The following RIPK4 variants were observed in gnomAD, a reference collection of about 807,000 sequenced individuals.
RIPK4 encodes the protein receptor-interacting serine/threonine-protein kinase 4.
Under a neutral mutation model 42.9 loss-of-function variants are expected in RIPK4, and 17 were observed. That is an observed-to-expected ratio of 0.40 (90% confidence interval 0.27 to 0.59). The LOEUF (loss-of-function observed/expected upper bound fraction) is 0.59. Ranked by LOEUF, RIPK4 falls within the 20% of genes least tolerant of loss-of-function variation. RIPK4 has a pLI of 0.47. For synonymous variants in RIPK4, 498 were observed against 499.1 expected (o/e 1.00, Z 0.03); for missense variants, 897 against 1,104.4 (o/e 0.81, Z 2.66).
At position 41,745,875 on chromosome 21, in the gene RIPK4, A is replaced by G; in HGVS notation, c.833-13T>C. On this transcript the variant is annotated splice_polypyrimidine_tract_variant and intron_variant, in intron 5 of 7. Transcript: ENST00000332512. ...TCAGAAGTAATTTCTTGTGGGGAAG[A>G]AAGGGGACATGTCACTCGGATGATG... 4 of 1,594,950 alleles carry G rather than the reference A, an allele frequency of 2.5e-6. No homozygotes were observed. The highest frequency in any genetic ancestry group is 3.4e-6 in the Non-Finnish European group (4 of 1,162,446).
intron 1 of RIPK4, among the ~76,000 whole-genome samples, chr21:41,757,364 A>C (rs548184744): frequency 2.3e-4 from 35 of 151,856 alleles, no homozygotes; most frequent in Admixed American, 7.9e-4. Context: ...TCTACTAAAA[A>C]TACAAAAATT....
At chr21:41,758,021 A>AAAT (rs1555910478) in intron 1 of RIPK4, among the ~76,000 whole-genome samples, 20 of 51,376 alleles carry the variant, frequency 3.9e-4, no homozygotes, top group East Asian at 9.9e-4. Context: ...AAAAAAAAAA[A>AAAT]ATATATATAT....
At chr21:41,762,645 G>A (rs12482739) in intron 1 of RIPK4, among the ~76,000 whole-genome samples, 15,334 of 152,306 alleles carry the variant, frequency 0.1, 1,000 homozygotes, top group Middle Eastern at 0.21. Flanking sequence ...TCGAAGCACA[G>A]AAAGAACCCA....
At chr21:41,750,674 C>G (rs1256297452) in intron 3 of RIPK4, among the ~76,000 whole-genome samples, 1 of 152,056 alleles carries the variant, frequency 6.6e-6, no homozygotes, top group African/African-American at 2.4e-5. Flanking sequence ...GTGGACTTAG[C>G]CCCCTTTCTG....
rs2146050142 is a variant in RIPK4 at position 41,747,975 on chromosome 21, T to A, written c.673+1179A>T. On this transcript the variant is annotated intron_variant, in intron 4 of 7. Coordinates refer to ENST00000332512, the MANE Select transcript of RIPK4 (RefSeq NM_020639.3). ...AGGGAACACTAGGCATATTCAGCAATAAAGCACAAGGGCTTGAGCCTTGAC... is the reference window on the plus strand; with the variant it reads ...AGGGAACACTAGGCATATTCAGCAAAAAAGCACAAGGGCTTGAGCCTTGAC... Among the ~76,000 whole-genome samples the A allele has an allele frequency of 1.3e-5, 2 of 152,328 alleles. 1 individual carries two copies. Among genetic ancestry groups the A allele is most frequent in the African/African-American group, 4.8e-5 (2 of 41,570 alleles).
In RIPK4 at chr21:41,740,590, C is replaced by T; in HGVS notation, c.*248G>A. The T allele has an allele frequency of 1.9e-6, 1 of 528,946 alleles. No individual in the cohort carries two copies. Among genetic ancestry groups the T allele is most frequent in the South Asian group, 2.8e-5 (1 of 35,832 alleles). 32.8% of individuals were successfully genotyped at this position (528,946 alleles called of 1,614,324 possible). A position where few individuals can be genotyped will look rare whatever the true frequency, so the allele number is the denominator to read the frequency against. On this transcript the variant is annotated 3_prime_UTR_variant, in exon 8 of 8. Coordinates refer to ENST00000332512, the MANE Select transcript of RIPK4 (RefSeq NM_020639.3). ...TAGGAGCACAACGAAATGATTCTGA[C>T]CCACGGTCCCTTCAGACAGCAGGTG...
intron 1 of RIPK4, among the ~76,000 whole-genome samples, chr21:41,759,801 A>G (rs3892324): frequency 0.1 from 15,378 of 152,258 alleles, 1,018 homozygotes; most frequent in Middle Eastern, 0.21. Flanking sequence ...TTCCCTTACC[A>G]TAGTGAAAAC....
intron 1 of RIPK4, among the ~76,000 whole-genome samples, chr21:41,760,809 A>G (rs554273677): frequency 1.3e-5 from 2 of 152,288 alleles, no homozygotes; most frequent in African/African-American, 4.8e-5. Context: ...TCAAGGAGCA[A>G]AGAATCCCAC....
chr21:41,757,201 A>G (rs2061206215), intron 1 of RIPK4, among the ~76,000 whole-genome samples: 1 of 152,106 alleles, frequency 6.6e-6, no homozygotes, highest in African/African-American at 2.4e-5. Context: ...GAGGGAAGAG[A>G]AGTTGACGTT....
Position 41,741,197 on chromosome 21 carries a change from T to C in RIPK4, c.1996A>G (p.Met666Val), listed in dbSNP as rs3746891. Reference sequence around the variant, plus strand: ...AGAGCGGTGTAGCCGTCTGAGGTCATGGCCTCCTTGCCAGCGCCCCGATGC... The same window carrying C: ...AGAGCGGTGTAGCCGTCTGAGGTCACGGCCTCCTTGCCAGCGCCCCGATGC... ...LLHRGAGKEA[M>V]TSDGYTALHL... is the part of the protein sequence containing the mutation. Residue 666 changes from methionine to valine, a missense_variant, in exon 8 of 8, where the codon ATG (methionine) becomes GTG (valine). By Grantham distance (21) the Met-to-Val change is conservative (BLOSUM62 1). Coordinates refer to ENST00000332512, the MANE Select transcript of RIPK4 (RefSeq NM_020639.3). 0.97 allele frequency: 1,559,666 copies of C among 1,610,228 alleles called. 755,817 individuals carry two copies. Among genetic ancestry groups the C allele is most frequent in the African/African-American group, 1 (74,680 of 75,008 alleles).
intron 1 of RIPK4, among the ~76,000 whole-genome samples, chr21:41,760,463 GA>G (rs2061217340): frequency 6.6e-6 from 1 of 152,242 alleles, no homozygotes; most frequent in African/African-American, 2.4e-5. Flanking sequence ...TCCAAAGTCA[GA>G]AGTCAGCATA....
intron 1 of RIPK4, among the ~76,000 whole-genome samples, chr21:41,762,287 A>AC (rs1420398416): frequency 2.0e-5 from 3 of 152,130 alleles, no homozygotes; most frequent in African/African-American, 7.2e-5. Context: ...GGGTCCCGGG[A>AC]CCGCCCTGTG....
At chr21:41,749,052 G>T in intron 4 of RIPK4, 102 bp downstream of exon 4, 3 of 1,230,296 alleles carry the variant, frequency 2.4e-6, no homozygotes, top group Non-Finnish European at 2.4e-6. Flanking sequence ...ATGGCAGCGT[G>T]GATCACAGGC....
chr21:41,766,860 C>T lies in RIPK4; in HGVS notation c.182G>A (p.Arg61Lys). The change falls in exon 1 of 8, where the codon AGG (arginine) becomes AAG (lysine). Residue 61 changes from arginine (R) to lysine (K), a missense_variant and splice_region_variant. Physicochemically the swap from Arg to Lys is conservative, Grantham distance 26. Coordinates refer to ENST00000332512, the MANE Select transcript of RIPK4 (RefSeq NM_020639.3). ...KCSPSLHVDDRERMELLEEAK... is the reference protein window; with the variant it reads ...KCSPSLHVDDKERMELLEEAK... ...CCAGCGCCCCGCCCGGGCCGCTCAC[C>T]TGTCGTCGACGTGCAGGCTGGGCGA... 1 of 1,607,532 alleles carries T rather than the reference C, an allele frequency of 6.2e-7. No individual in the cohort carries two copies. The highest frequency in any genetic ancestry group is 8.5e-7 in the Non-Finnish European group (1 of 1,177,496).
At position 41,756,758 on chromosome 21, in the gene RIPK4, T is replaced by C. The variant is rs1205140445; in HGVS notation, c.241A>G (p.Ile81Val). 6.2e-7 allele frequency: 1 copy of C among 1,614,160 alleles called. No individual in the cohort carries two copies. Among genetic ancestry groups the C allele is most frequent in the South Asian group, 1.1e-5 (1 of 91,092 alleles). Residue 81 changes from isoleucine (I) to valine (V), a missense_variant, in exon 2 of 8, where the codon ATC (isoleucine) becomes GTC (valine). Ile to Val is a conservative substitution (Grantham distance 29). Transcript: ENST00000332512. ...KKMEMAKFRYILPVYGICREP... is the reference protein window; with the variant it reads ...KKMEMAKFRYVLPVYGICREP... Reference sequence around the variant, plus strand: ...CGGCAGATGCCATACACAGGCAGGATGTAGCGAAACTTGGCCATCTCCATC... The same window carrying C: ...CGGCAGATGCCATACACAGGCAGGACGTAGCGAAACTTGGCCATCTCCATC...
rs2061239909 is a variant in RIPK4 at position 41,767,030 on chromosome 21, G to T, written c.12C>A (p.Asp4Glu). The T allele has an allele frequency of 6.3e-7, 1 of 1,577,072 alleles. No individual in the cohort carries two copies. Among genetic ancestry groups the T allele is most frequent in the Non-Finnish European group, 8.6e-7 (1 of 1,165,172 alleles). ...GCGCCAGGGCCCATGGGGTCCCGCC[G>T]TCGCCCTCCATCGCGCACGTCTAGC... The part of the protein sequence containing the change: MEG[D>E]GGTPWALALL... The change falls in exon 1 of 8, where the codon GAC becomes GAA. Residue 4 changes from aspartate to glutamate, a missense_variant. Transcript: ENST00000332512. The surrounding 1 kb of genome is among the most constrained non-coding windows in gnomAD (Gnocchi z 4.0).
rs764919395 is a variant in RIPK4 at position 41,766,971 on chromosome 21, C to G, written c.71G>C (p.Gly24Ala). 1 of 1,606,142 alleles carries G rather than the reference C, an allele frequency of 6.2e-7. No individual in the cohort carries two copies. Among genetic ancestry groups the G allele is most frequent in the Non-Finnish European group, 8.5e-7 (1 of 1,177,220 alleles). The change falls in exon 1 of 8, where the codon GGC becomes GCC. Residue 24 changes from glycine (G) to alanine (A), a missense_variant. Physicochemically the swap from Gly to Ala is moderately conservative, Grantham distance 60. Transcript: ENST00000332512. ...LRTFDAGEFT[G>A]WEKVGSGGFG... ...GCCGCCCGAGCCCACCTTCTCCCAG[C>G]CCGTGAACTCGCCCGCGTCGAAGGT...
intron 1 of RIPK4, among the ~76,000 whole-genome samples, chr21:41,760,710 G>C (rs1022150382): frequency 6.6e-6 from 1 of 152,148 alleles, no homozygotes; most frequent in African/African-American, 2.4e-5. Flanking sequence ...GGGGTCACTA[G>C]GCAGCTCTCT....
At chr21:41,750,907 G>A (rs2061186425) in intron 3 of RIPK4, among the ~76,000 whole-genome samples, 190 bp downstream of exon 3, 1 of 152,128 alleles carries the variant, frequency 6.6e-6, no homozygotes, top group South Asian at 2.1e-4. Flanking sequence ...CAAACTCCTG[G>A]GCTCAAGTAA....
Sources: gnomAD v4.1 joint callset for allele counts (sites outside exome capture counted in the v4.1 genomes callset) on GRCh38, gnomAD v4.1.1 for gene constraint, Gnocchi (gnomAD v3.1) non-coding constraint, MANE v1.5 for transcripts, NCBI Gene and HGNC (gene_info 2026-07-23, HGNC 2026-07-21) for gene names.